The following CSMD3 variants were observed in gnomAD, a reference collection of about 807,000 sequenced individuals.
CSMD3 encodes CUB and Sushi multiple domains 3.
CSMD3 carries 177 observed loss-of-function variants against 435.2 expected under a neutral mutation model. That is an observed-to-expected ratio of 0.41 (90% CI 0.36 to 0.46). The LOEUF is 0.46. Ranked by LOEUF, CSMD3 falls within the 20% of genes least tolerant of loss-of-function variation. The pLI is 0.34. For synonymous variants in CSMD3, 1,656 were observed against 1,520.5 expected (o/e 1.09, Z -2.07); for missense variants, 4,265 against 4,504.6 (o/e 0.95, Z 1.52).
Position 112,724,583 on chromosome 8 carries a change from T to C in CSMD3, c.1973-34533A>G, listed in dbSNP as rs2076926315. Among the ~76,000 whole-genome samples, 3 of 152,052 alleles carry C rather than the reference T, an allele frequency of 2.0e-5. No homozygotes were observed. The South Asian group carries it at 6.2e-4, about 31-fold the overall frequency. Reference sequence around the variant, plus strand: ...GGTAAAAAATCAATTAAGTTAAGTATTCGCATACATAACTTGGGGAATTAG... The same window carrying C: ...GGTAAAAAATCAATTAAGTTAAGTACTCGCATACATAACTTGGGGAATTAG... On this transcript the variant is annotated intron_variant, in intron 13 of 70. Coordinates refer to ENST00000297405, the MANE Select transcript of CSMD3 (RefSeq NM_198123.2).
intron 1 of CSMD3, among the ~76,000 whole-genome samples, chr8:113,355,656 C>T (rs1450361712): frequency 6.8e-6 from 1 of 147,338 alleles, no homozygotes. Context: ...ACATTCAGTC[C>T]ATAGCACAAA....
chr8:112,822,609 C>T lies in CSMD3; in HGVS notation c.1859+7077G>A, dbSNP rs115251586. Among the ~76,000 whole-genome samples, 355 of 152,128 alleles carry T rather than the reference C, an allele frequency of 2.3e-3. 1 individual carries two copies. Among genetic ancestry groups the T allele is most frequent in the African/African-American group, 8.2e-3 (339 of 41,536 alleles). On this transcript the variant is annotated intron_variant, in intron 12 of 70. Coordinates refer to ENST00000297405, the MANE Select transcript of CSMD3 (RefSeq NM_198123.2). Reference sequence around the variant, plus strand: ...CATGTCATCTGCAGAGACAATTTGACTTACTCTCTTTATTTATTTCTCTTT... The same window carrying T: ...CATGTCATCTGCAGAGACAATTTGATTTACTCTCTTTATTTATTTCTCTTT...
intron 1 of CSMD3, among the ~76,000 whole-genome samples, chr8:113,337,149 C>T (rs139065774): frequency 1.5e-3 from 235 of 152,200 alleles, no homozygotes; most frequent in African/African-American, 5.5e-3. Context: ...AAGCCTGAGA[C>T]TGAGATACTT....
At position 112,769,995 on chromosome 8, in the gene CSMD3, G is replaced by A. The variant is rs190501305; in HGVS notation, c.1972+30167C>T. Among the ~76,000 whole-genome samples, 176 of 152,048 alleles carry A rather than the reference G, an allele frequency of 1.2e-3. 2 individuals carry two copies. Among genetic ancestry groups the A allele is most frequent in the African/African-American group, 4.0e-3 (165 of 41,528 alleles). On this transcript the variant is annotated intron_variant, in intron 13 of 70. Transcript: ENST00000297405. ...ATTAGATTTCTACTAAAAGCAAGTT[G>A]TATGTTAAAGATAGACAGTTTTATT...
chr8:112,409,149 C>A, intron 32 of CSMD3, 117 bp from the exon 33 acceptor site: 1 of 1,525,006 alleles, frequency 6.6e-7, no homozygotes, highest in South Asian at 1.2e-5. Context: ...ATATAATAGT[C>A]ATTTTTTTTC....
Position 112,409,051 on chromosome 8 carries a change from G to A in CSMD3, c.5396-19C>T, listed in dbSNP as rs922239309. ...AACACCACTGATCAACAGGAACCCG[G>A]AGAAGCAAACAAATCACCAACCATC... is the stretch of plus-strand genomic sequence containing the variant. On this transcript the variant is annotated intron_variant, in intron 32 of 70. Coordinates refer to ENST00000297405, the MANE Select transcript of CSMD3 (RefSeq NM_198123.2). The A allele has an allele frequency of 1.7e-5, 28 of 1,612,594 alleles. No individual in the cohort carries two copies. Among genetic ancestry groups the A allele is most frequent in the Non-Finnish European group, 2.3e-5 (27 of 1,179,214 alleles).
chr8:113,374,045 C>T (rs1174593270), intron 1 of CSMD3, among the ~76,000 whole-genome samples: 2 of 151,996 alleles, frequency 1.3e-5, no homozygotes, highest in African/African-American at 4.8e-5. Context: ...AAATTTCTCT[C>T]TCTCTCTCCA....
intron 4 of CSMD3, among the ~76,000 whole-genome samples, chr8:113,127,148 G>C (rs1043505160): frequency 5.9e-5 from 9 of 151,908 alleles, no homozygotes; most frequent in African/African-American, 2.2e-4. Flanking sequence ...ATTCTCCTTT[G>C]ACTGGCAGAG....
At chr8:113,157,186 G>T (rs2091951838) in intron 4 of CSMD3, among the ~76,000 whole-genome samples, 1 of 152,058 alleles carries the variant, frequency 6.6e-6, no homozygotes, top group Non-Finnish European at 1.5e-5. Context: ...GAGTATTGGG[G>T]TTTGCTATGC....
chr8:112,705,540 T>C (rs1201383638), intron 13 of CSMD3, among the ~76,000 whole-genome samples: 1 of 152,044 alleles, frequency 6.6e-6, no homozygotes, highest in Non-Finnish European at 1.5e-5. Flanking sequence ...ACATGCTTTT[T>C]CTCCCGTTAA....
At chr8:113,374,679 G>A (rs2094367387) in intron 1 of CSMD3, among the ~76,000 whole-genome samples, 1 of 151,904 alleles carries the variant, frequency 6.6e-6, no homozygotes, top group East Asian at 1.9e-4. Flanking sequence ...CAGCTGTGGA[G>A]GAATTGAGGG....
chr8:112,642,271 T>C (rs990114052), intron 20 of CSMD3, among the ~76,000 whole-genome samples: 1 of 152,092 alleles, frequency 6.6e-6, no homozygotes, highest in Non-Finnish European at 1.5e-5. Context: ...TCTAAGGGTT[T>C]TTCCTGATGT....
chr8:112,778,369 C>G (rs998623034), intron 13 of CSMD3, among the ~76,000 whole-genome samples: 5 of 151,916 alleles, frequency 3.3e-5, no homozygotes, highest in African/African-American at 1.2e-4. Flanking sequence ...TCTGCTTAAT[C>G]TCTCTCGCTC....
Position 112,286,519 on chromosome 8 carries a change from G to A in CSMD3, c.9331+545C>T, listed in dbSNP as rs1027218185. On this transcript the variant is annotated intron_variant, in intron 58 of 70. Transcript: ENST00000297405. The stretch of plus-strand genomic sequence containing the variant: ...AGATCAAAAGATCACAAGAAGAAGG[G>A]TGAGTACAGTCAACAAGATATTTTG... Among the ~76,000 whole-genome samples the A allele has an allele frequency of 5.9e-5, 9 of 151,958 alleles. 1 individual carries two copies. Among genetic ancestry groups the A allele is most frequent in the South Asian group, 4.1e-4 (2 of 4,834 alleles).
intron 1 of CSMD3, among the ~76,000 whole-genome samples, chr8:113,319,289 T>C (rs906189581): frequency 6.6e-6 from 1 of 152,054 alleles, no homozygotes; most frequent in Admixed American, 6.6e-5. Context: ...TGGTTTAAAT[T>C]TGCATTTCTT....
At chr8:112,305,890 C>G (rs550515953) in intron 51 of CSMD3, 117 bp downstream of exon 51, 6 of 862,146 alleles carry the variant, frequency 7.0e-6, no homozygotes, top group Non-Finnish European at 1.2e-5. Flanking sequence ...TTATTTCTGA[C>G]TTAGACATCA....
At chr8:113,092,425 C>T (rs968163728) in intron 5 of CSMD3, among the ~76,000 whole-genome samples, 2 of 152,080 alleles carry the variant, frequency 1.3e-5, no homozygotes, top group African/African-American at 2.4e-5. Context: ...TCCTCTAACA[C>T]CTTTTCTCCT....
At chr8:112,455,186 C>T (rs1359969559) in intron 32 of CSMD3, among the ~76,000 whole-genome samples, 1 of 152,136 alleles carries the variant, frequency 6.6e-6, no homozygotes, top group Non-Finnish European at 1.5e-5. Flanking sequence ...TGTGGAATAA[C>T]TTAGGTGGTC....
At chr8:113,084,523 A>G (rs893922863) in intron 5 of CSMD3, among the ~76,000 whole-genome samples, 24 of 151,854 alleles carry the variant, frequency 1.6e-4, no homozygotes, top group African/African-American at 5.3e-4. Context: ...ATGACCATAC[A>G]ACCTGAAGGA....
Sources: allele counts gnomAD v4.1 joint callset (sites outside exome capture counted in the v4.1 genomes callset), GRCh38; gene constraint gnomAD v4.1.1; transcripts MANE v1.5; gene names NCBI Gene and HGNC (gene_info 2026-07-23, HGNC 2026-07-21).